LRRTM4: variants seen among roughly 807,000 people sequenced by gnomAD.
LRRTM4 encodes leucine rich repeat transmembrane neuronal 4.
In LRRTM4, 25 loss-of-function variants were observed where a neutral mutation model predicts 47.6. The observed-to-expected ratio is 0.53, with a 90% CI of 0.38 to 0.73. The LOEUF is 0.73. Among genes scored for constraint, LRRTM4 ranks in the 30% least tolerant of loss-of-function variants. The pLI, the probability that LRRTM4 is intolerant of heterozygous loss-of-function variation, is 0.00. For synonymous variants in LRRTM4, 311 were observed against 269.5 expected, an observed-to-expected ratio of 1.15 and a Z score of -1.51; for missense variants, 638 against 713.4, an observed-to-expected ratio of 0.89 and a Z score of 1.20.
chr2:76,908,224 C>G lies in LRRTM4; in HGVS notation c.1552-159308G>C, dbSNP rs1215095319. Among the ~76,000 whole-genome samples, 5 of 151,684 alleles carry G rather than the reference C, an allele frequency of 3.3e-5. No individual in the cohort carries two copies. The South Asian group carries it at 1.0e-3, about 32-fold the overall frequency. On this transcript the variant is annotated intron_variant, in intron 3 of 3. Coordinates refer to ENST00000409884, the MANE Select transcript of LRRTM4 (RefSeq NM_001134745.3). The stretch of plus-strand genomic sequence containing the variant: ...CAATAAATGTAATCCAGCATATAAA[C>G]AGAACCAAAGACAAAAACCACATGA...
chr2:76,909,310 G>C (rs1020426677), intron 3 of LRRTM4, among the ~76,000 whole-genome samples: 4 of 152,122 alleles, frequency 2.6e-5, no homozygotes, highest in Non-Finnish European at 4.4e-5. Flanking sequence ...GCTGAAACTG[G>C]ATCCCTTCCT....
In LRRTM4 at chr2:76,909,596, T is replaced by C. The variant is rs541834225; in HGVS notation, c.1552-160680A>G. Among the ~76,000 whole-genome samples the C allele has an allele frequency of 4.2e-3, 633 of 151,832 alleles. 4 individuals are homozygous for C. The highest frequency in any genetic ancestry group is 0.013 in the African/African-American group (548 of 41,358). On this transcript the variant is annotated intron_variant, in intron 3 of 3. Transcript: ENST00000409884. ...GAGAAAATTTTCGCAACCTACTCAT[T>C]TGACAAAGGGCTAATATCCAGAATC...
chr2:76,935,995 T>A (rs754017380), intron 3 of LRRTM4, among the ~76,000 whole-genome samples: 1 of 152,182 alleles, frequency 6.6e-6, no homozygotes, highest in Non-Finnish European at 1.5e-5. Flanking sequence ...TTGGTGGAAG[T>A]GTAAATTAGT....
chr2:77,386,088 A>G (rs1393515442), intron 3 of LRRTM4, among the ~76,000 whole-genome samples: 1 of 151,968 alleles, frequency 6.6e-6, no homozygotes, highest in African/African-American at 2.4e-5. Flanking sequence ...TCTGAAATAA[A>G]CCAATTATTT....
rs550311091 is a variant in LRRTM4 at position 77,107,112 on chromosome 2, C to T, written c.1552-358196G>A. Among the ~76,000 whole-genome samples, 135 of 152,048 alleles carry T rather than the reference C, an allele frequency of 8.9e-4. 1 individual carries two copies. The highest frequency in any genetic ancestry group is 3.1e-3 in the African/African-American group (127 of 41,510). ...TTTAAAACATGTTAATCTAGATATA[C>T]GTGTCTATAATATTTCACTAACAAT... is the stretch of plus-strand genomic sequence containing the variant. On this transcript the variant is annotated intron_variant, in intron 3 of 3. Coordinates refer to ENST00000409884, the MANE Select transcript of LRRTM4 (RefSeq NM_001134745.3).
chr2:77,228,484 T>C (rs1360623859), intron 3 of LRRTM4, among the ~76,000 whole-genome samples: 1 of 152,174 alleles, frequency 6.6e-6, no homozygotes, highest in Non-Finnish European at 1.5e-5. Context: ...TCTCCAAAGC[T>C]GAGATTCAGC....
chr2:76,911,444 A>G (rs904384509), intron 3 of LRRTM4, among the ~76,000 whole-genome samples: 3 of 152,232 alleles, frequency 2.0e-5, no homozygotes, highest in African/African-American at 7.2e-5. Flanking sequence ...TCTGATATAA[A>G]TCTCTTTGTT....
intron 3 of LRRTM4, among the ~76,000 whole-genome samples, chr2:77,073,388 GATAA>G (rs201469195): frequency 0.016 from 2,360 of 151,358 alleles, 55 homozygotes; most frequent in African/African-American, 0.054. Context: ...ATTTCAATCA[GATAA>G]ATACATTAAT....
chr2:76,773,929 T>C (rs906364956), intron 3 of LRRTM4, among the ~76,000 whole-genome samples: 1 of 151,894 alleles, frequency 6.6e-6, no homozygotes, highest in Non-Finnish European at 1.5e-5. Flanking sequence ...CCGTTAATGA[T>C]AAATACATCT....
Position 76,748,754 on chromosome 2 carries a change from T to C in LRRTM4, c.1714A>G (p.Ile572Val). The change falls in exon 4 of 4, where the codon ATC becomes GTC. Residue 572 changes from isoleucine (I) to valine (V), a missense_variant. Physicochemically the swap from Ile to Val is conservative, Grantham distance 29. Transcript: ENST00000409884. ...GLELGRDHSFIATIARSAAPA... is the reference protein window; with the variant it reads ...GLELGRDHSFVATIARSAAPA... Reference sequence around the variant, plus strand: ...GCTGCCGACCTGGCGATGGTGGCGATGAAGCTGTGGTCTCGGCCCAGCTCC... The same window carrying C: ...GCTGCCGACCTGGCGATGGTGGCGACGAAGCTGTGGTCTCGGCCCAGCTCC... 6 of 1,613,916 alleles carry C rather than the reference T, an allele frequency of 3.7e-6. No individual in the cohort carries two copies. Among genetic ancestry groups the C allele is most frequent in the Non-Finnish European group, 5.1e-6 (6 of 1,179,884 alleles).
chr2:76,779,517 G>T (rs551204437), intron 3 of LRRTM4, among the ~76,000 whole-genome samples: 1 of 141,616 alleles, frequency 7.1e-6, no homozygotes, highest in Non-Finnish European at 1.5e-5. Flanking sequence ...ATCATGTAAT[G>T]GCCTTCACTG....
chr2:76,967,131 C>G (rs1308505860), intron 3 of LRRTM4, among the ~76,000 whole-genome samples: 1 of 150,306 alleles, frequency 6.7e-6, no homozygotes, highest in African/African-American at 2.4e-5. Flanking sequence ...TTATGTTTCT[C>G]CTTTCAGAAT....
intron 3 of LRRTM4, among the ~76,000 whole-genome samples, chr2:76,996,023 A>C (rs2104007311): frequency 7.4e-6 from 1 of 134,976 alleles, no homozygotes; most frequent in East Asian, 2.3e-4. Flanking sequence ...AATCTACCTA[A>C]AATACTCAGA....
At chr2:76,883,245 G>A (rs1394649830) in intron 3 of LRRTM4, among the ~76,000 whole-genome samples, 1 of 152,106 alleles carries the variant, frequency 6.6e-6, no homozygotes, top group East Asian at 1.9e-4. Flanking sequence ...TACTTGTATT[G>A]TGTGTTTAAT....
At chr2:77,000,800 C>CTT (rs1677392799) in intron 3 of LRRTM4, among the ~76,000 whole-genome samples, 1 of 147,218 alleles carries the variant, frequency 6.8e-6, no homozygotes, top group Non-Finnish European at 1.5e-5. Flanking sequence ...CAGGAAGATT[C>CTT]CTTTTTTTCT....
chr2:76,748,725 C>CGGTGCTGCCGACCTGGCGAT lies in LRRTM4; in HGVS notation c.1723_1742dup (p.Ala582SerfsTer11). ...TTGCAATTCTCTCTAGGTAGATGGC[C>CGGTGCTGCCGACCTGGCGAT]GGTGCTGCCGACCTGGCGATGGTGG... On this transcript the variant is annotated frameshift_variant, in exon 4 of 4. Coordinates refer to ENST00000409884, the MANE Select transcript of LRRTM4 (RefSeq NM_001134745.3). LOFTEE classifies it high-confidence loss of function. 6.2e-7 allele frequency: 1 copy of CGGTGCTGCCGACCTGGCGAT among 1,613,780 alleles called. No homozygotes were observed. The highest frequency in any genetic ancestry group is 8.5e-7 in the Non-Finnish European group (1 of 1,179,878).
chr2:77,295,726 T>C (rs545104134), intron 3 of LRRTM4, among the ~76,000 whole-genome samples: 2 of 152,312 alleles, frequency 1.3e-5, no homozygotes, highest in East Asian at 1.9e-4. Flanking sequence ...CCCTTTCACG[T>C]TGACTTTCAC....
chr2:77,421,298 A>C (rs1428383586), intron 3 of LRRTM4, among the ~76,000 whole-genome samples: 1 of 152,216 alleles, frequency 6.6e-6, no homozygotes, highest in Non-Finnish European at 1.5e-5. Context: ...ACAAATCTTA[A>C]GATAACCCAG....
intron 3 of LRRTM4, among the ~76,000 whole-genome samples, chr2:77,442,535 G>A (rs1302866607): frequency 6.6e-6 from 1 of 152,142 alleles, no homozygotes; most frequent in Non-Finnish European, 1.5e-5. Context: ...CATTCTACAT[G>A]AATTTCCTCA....
Sources: gnomAD v4.1 joint callset for allele counts (sites outside exome capture counted in the v4.1 genomes callset) on GRCh38, gnomAD v4.1.1 for gene constraint, MANE v1.5 for transcripts, NCBI Gene and HGNC (gene_info 2026-07-23, HGNC 2026-07-21) for gene names.